FBXL7: variants seen among roughly 807,000 people sequenced by gnomAD.
FBXL7 encodes the protein F-box/LRR-repeat protein 7.
Under a neutral mutation model 38.3 loss-of-function variants are expected in FBXL7, and 12 were observed. That is an observed-to-expected ratio of 0.31 (90% CI 0.20 to 0.51). The LOEUF is 0.51. FBXL7 is among the 20% of genes least tolerant of loss of function. The pLI is 0.98. For missense variants in FBXL7, 567 were observed against 676.4 expected (o/e 0.84, Z 1.79); for synonymous variants, 297 against 300.9 (o/e 0.99, Z 0.13).
intron 2 of FBXL7, among the ~76,000 whole-genome samples, chr5:15,705,773 A>G (rs1409519902): frequency 1.3e-5 from 2 of 152,128 alleles, no homozygotes; most frequent in African/African-American, 4.8e-5. Flanking sequence ...CAATAGTAAG[A>G]TAGGTGTATT....
rs557995354 is a variant in FBXL7, at chr5:15,750,645, A to G, written c.127+134573A>G. ...TCTTGCCTTTGGGCACCTGAAGCCTATGTCTTGGGCCATGTCAGTCAAAAG... is the reference window on the plus strand; with the variant it reads ...TCTTGCCTTTGGGCACCTGAAGCCTGTGTCTTGGGCCATGTCAGTCAAAAG... On this transcript the variant is annotated intron_variant, in intron 2 of 3. Coordinates refer to ENST00000504595, the MANE Select transcript of FBXL7 (RefSeq NM_012304.5). Among the ~76,000 whole-genome samples the G allele has an allele frequency of 6.0e-4, 92 of 152,102 alleles. 3 individuals carry two copies. The South Asian group carries it at 0.018, about 30-fold the overall frequency.
intron 2 of FBXL7, among the ~76,000 whole-genome samples, chr5:15,789,322 G>T (rs1737213076): frequency 6.6e-6 from 1 of 152,152 alleles, no homozygotes; most frequent in Non-Finnish European, 1.5e-5. Flanking sequence ...TATGCTCACT[G>T]CAGTCTTTCC....
chr5:15,769,377 G>T (rs1736672159), intron 2 of FBXL7, among the ~76,000 whole-genome samples: 1 of 152,166 alleles, frequency 6.6e-6, no homozygotes, highest in African/African-American at 2.4e-5. Flanking sequence ...TCCTCCATAG[G>T]AGAAATCTAG....
chr5:15,661,387 G>GT (rs35062362), intron 2 of FBXL7, among the ~76,000 whole-genome samples: 49,331 of 151,240 alleles, frequency 0.33, 8,220 homozygotes, highest in East Asian at 0.45. Flanking sequence ...GTTGTATCTT[G>GT]TTTTTTTTGC....
intron 2 of FBXL7, among the ~76,000 whole-genome samples, chr5:15,790,283 A>G (rs1032816425): frequency 6.6e-6 from 1 of 152,124 alleles, no homozygotes; most frequent in Admixed American, 6.5e-5. Flanking sequence ...CTCTGAGCAC[A>G]GAATCTGGAG....
intron 2 of FBXL7, among the ~76,000 whole-genome samples, chr5:15,703,225 T>A (rs1209395289): frequency 6.6e-6 from 1 of 152,248 alleles, no homozygotes; most frequent in East Asian, 1.9e-4. Context: ...ATTCTACTTT[T>A]AGTATTGAAA....
At chr5:15,728,858 C>G (rs569144463) in intron 2 of FBXL7, among the ~76,000 whole-genome samples, 4 of 152,202 alleles carry the variant, frequency 2.6e-5, no homozygotes, top group African/African-American at 9.6e-5. Flanking sequence ...AATTAAAGGT[C>G]TTTTGACTTT....
At chr5:15,633,782 A>ATT (rs1561061843) in intron 2 of FBXL7, among the ~76,000 whole-genome samples, 3 of 143,716 alleles carry the variant, frequency 2.1e-5, no homozygotes, top group African/African-American at 7.7e-5. Context: ...TTATTATTTT[A>ATT]TTATTTTATT....
chr5:15,645,399 TCTC>T (rs1463811571), intron 2 of FBXL7, among the ~76,000 whole-genome samples: 2 of 152,182 alleles, frequency 1.3e-5, no homozygotes, highest in African/African-American at 4.8e-5. Flanking sequence ...TGCCTGTTCT[TCTC>T]TCACTTATCT....
chr5:15,550,487 C>T (rs1013624597), intron 1 of FBXL7, among the ~76,000 whole-genome samples: 13 of 151,924 alleles, frequency 8.6e-5, no homozygotes, highest in Non-Finnish European at 1.0e-4. Flanking sequence ...TTGAGGCACC[C>T]AAAACTTAGG....
intron 2 of FBXL7, among the ~76,000 whole-genome samples, chr5:15,794,060 T>A (rs1405640555): frequency 2.0e-5 from 3 of 152,228 alleles, no homozygotes; most frequent in Non-Finnish European, 2.9e-5. Context: ...GATAAATCAG[T>A]CACTAGGTTT....
At chr5:15,680,272 AT>A (rs1180665663) in intron 2 of FBXL7, among the ~76,000 whole-genome samples, 12 of 152,208 alleles carry the variant, frequency 7.9e-5, no homozygotes, top group African/African-American at 2.9e-4. Context: ...CTCACTGGGA[AT>A]TTTTGGGTAA....
intron 1 of FBXL7, among the ~76,000 whole-genome samples, chr5:15,532,198 G>A (rs1412336946): frequency 2.6e-5 from 4 of 152,150 alleles, no homozygotes; most frequent in African/African-American, 9.7e-5. Flanking sequence ...TTTTTGCAGT[G>A]GCTATTTCTC....
intron 2 of FBXL7, among the ~76,000 whole-genome samples, chr5:15,761,324 G>A (rs893668520): frequency 1.3e-5 from 2 of 152,092 alleles, no homozygotes; most frequent in South Asian, 2.1e-4. Flanking sequence ...CCGTGTTCAG[G>A]AAGGAGATTG....
chr5:15,712,569 AC>A (rs952432125), intron 2 of FBXL7, among the ~76,000 whole-genome samples: 46 of 152,274 alleles, frequency 3.0e-4, no homozygotes, highest in African/African-American at 9.6e-4. Context: ...AATCTGTGAT[AC>A]ATGTTTTTCT....
intron 2 of FBXL7, among the ~76,000 whole-genome samples, chr5:15,681,352 T>C (rs890443397): frequency 2.0e-5 from 3 of 152,174 alleles, no homozygotes; most frequent in African/African-American, 7.2e-5. Context: ...ACTTTGTTAA[T>C]AAAGAAAAGT....
chr5:15,659,251 G>A (rs529541360), intron 2 of FBXL7, among the ~76,000 whole-genome samples: 12 of 151,866 alleles, frequency 7.9e-5, no homozygotes, highest in Admixed American at 7.9e-4. Flanking sequence ...GAAAAAATAT[G>A]CAAATGATCT....
At chr5:15,756,148 C>A (rs12655750) in intron 2 of FBXL7, among the ~76,000 whole-genome samples, 8,205 of 152,180 alleles carry the variant, frequency 0.054, 242 homozygotes, top group East Asian at 0.1. Flanking sequence ...TTTCTGAAAT[C>A]TAAAAAATTT....
intron 2 of FBXL7, among the ~76,000 whole-genome samples, chr5:15,804,508 CA>C (rs1737654458): frequency 6.6e-6 from 1 of 152,086 alleles, no homozygotes; most frequent in African/African-American, 2.4e-5. Context: ...AAAATGTTTA[CA>C]GTTGACCATT....
Sources: gnomAD v4.1 joint callset for allele counts (sites outside exome capture counted in the v4.1 genomes callset) on GRCh38, gnomAD v4.1.1 for gene constraint, MANE v1.5 for transcripts, NCBI Gene and HGNC (gene_info 2026-07-23, HGNC 2026-07-21) for gene names.